Variants in HECTD3 observed in about 807,000 individuals in gnomAD.
HECTD3 encodes the protein HECT domain E3 ubiquitin protein ligase 3, also known as E3 ubiquitin-protein ligase HECTD3.
Under a neutral mutation model 109.3 loss-of-function variants are expected in HECTD3, and 72 were observed. That is an observed-to-expected ratio of 0.66 (90% confidence interval 0.54 to 0.80). HECTD3 has a LOEUF of 0.80. Among genes scored for constraint, HECTD3 ranks in the 30% least tolerant of loss-of-function variants. The probability of loss-of-function intolerance (pLI) is 0.00; values close to 1 mark genes in which losing one functional copy is unlikely to be tolerated. For synonymous variants in HECTD3, 481 were observed against 471.8 expected (o/e 1.02, Z -0.25); for missense variants, 1,041 against 1,165.2 (o/e 0.89, Z 1.55).
In HECTD3 at chr1:45,008,701, T is replaced by C; in HGVS notation, c.1073A>G (p.Asp358Gly). Residue 358 changes from aspartate (D) to glycine (G), a missense_variant and splice_region_variant, in exon 8 of 21, where the codon GAT (aspartate) becomes GGT (glycine). By Grantham distance (94) the Asp-to-Gly change is moderately conservative. Transcript: ENST00000372172. ...TCGGAGACGAACATCAATCCCATCA[T>C]CTGGGGGAAGGGGTCAGAGTAAGGT... The part of the protein sequence containing the change: ...IIEIRIVECR[D>G]DGIDVRLRGV... 1 of 1,612,936 alleles carries C rather than the reference T, an allele frequency of 6.2e-7. No individual in the cohort carries two copies. Among genetic ancestry groups the C allele is most frequent in the Non-Finnish European group, 8.5e-7 (1 of 1,179,692 alleles).
At position 45,006,167 on chromosome 1, in the gene HECTD3, C is replaced by A; in HGVS notation, c.1726-51G>T. 6.3e-7 allele frequency: 1 copy of A among 1,589,918 alleles called. No individual in the cohort carries two copies. The highest frequency in any genetic ancestry group is 1.1e-5 in the South Asian group (1 of 89,310). ...GTGGCATGAGATACACCCTATTTTC[C>A]TGGCCCAAAGACTTCCCTGAACATT... On this transcript the variant is annotated intron_variant, in intron 13 of 20. Transcript: ENST00000372172. This position sits in a 1 kb window ranked among gnomAD's most constrained non-coding sequence, Gnocchi z 4.7.
rs763164031 is a variant in HECTD3 at position 45,011,011 on chromosome 1, C to T, written c.247G>A (p.Gly83Ser). The stretch of plus-strand genomic sequence containing the variant: ...GCGCGGAGGGGCCCGGAGCCGGTAC[C>T]GGGGGCTGGGCCTGCGGCGCCCACA... ...LRVGAAGPAP[G>S]TGSGPLRAAR... The change falls in exon 1 of 21, where the codon GGT (glycine) becomes AGT (serine). Residue 83 changes from glycine (G) to serine (S), a missense_variant. By Grantham distance (56) the Gly-to-Ser change is moderately conservative (BLOSUM62 0). Transcript: ENST00000372172. The T allele has an allele frequency of 6.9e-5, 99 of 1,441,976 alleles. No individual in the cohort carries two copies. The Admixed American group carries it at 8.1e-4, about 12-fold the overall frequency. 89.3% of individuals were successfully genotyped at this position (1,441,976 alleles called of 1,614,324 possible).
At position 45,006,310 on chromosome 1, in the gene HECTD3, T is replaced by A. The variant is rs1569938284; in HGVS notation, c.1726-194A>T. ...AGTCCCTCCTCTGCCCTATTTCTATTTTTTTTTTTTTTTGAGACAGAGTCT... is the reference window on the plus strand; with the variant it reads ...AGTCCCTCCTCTGCCCTATTTCTATATTTTTTTTTTTTTGAGACAGAGTCT... On this transcript the variant is annotated intron_variant, in intron 13 of 20. Coordinates refer to ENST00000372172, the MANE Select transcript of HECTD3 (RefSeq NM_024602.6). The surrounding 1 kb of genome is among the most constrained non-coding windows in gnomAD (Gnocchi z 4.7). 14 of 449,498 alleles carry A rather than the reference T, an allele frequency of 3.1e-5. No individual in the cohort carries two copies. In the East Asian group the frequency reaches 5.9e-4, roughly 19 times the overall value. The allele number at this position is 449,498 out of a possible 1,614,324, so 27.8% of individuals were successfully genotyped here.
At chr1:45,010,847 C>T (rs896028704) in intron 1 of HECTD3, 42 bp downstream of exon 1, 1 of 1,507,172 alleles carries the variant, frequency 6.6e-7, no homozygotes, top group Non-Finnish European at 8.8e-7. Flanking sequence ...TTTCTCTGGC[C>T]CCAGGGGTCT....
chr1:45,005,565 C>T, intron 15 of HECTD3: 1 of 414,512 alleles, frequency 2.4e-6, no homozygotes, highest in Non-Finnish European at 4.3e-6. Context: ...CATCTTGGGG[C>T]AAACGTCGAG....
rs1557726301 is a variant in HECTD3 at position 45,003,624 on chromosome 1, G to A, written c.2501+45C>T. ...AGGTCCCTACATCGCTACCAGGGGT[G>A]ATGGGGTCCCCTGGGCCCCAAATCG... is the stretch of plus-strand genomic sequence containing the variant. On this transcript the variant is annotated intron_variant, in intron 20 of 20. Transcript: ENST00000372172. The surrounding 1 kb of genome is among the most constrained non-coding windows in gnomAD (Gnocchi z 4.7). 2 of 1,610,442 alleles carry A rather than the reference G, an allele frequency of 1.2e-6. No individual in the cohort carries two copies. The highest frequency in any genetic ancestry group is 1.7e-6 in the Non-Finnish European group (2 of 1,176,688).
chr1:45,004,526 C>G (rs1266358769), intron 16 of HECTD3, 74 bp downstream of exon 16: 5 of 1,597,530 alleles, frequency 3.1e-6, no homozygotes, highest in Non-Finnish European at 4.3e-6. Flanking sequence ...GGCTTACAGG[C>G]TGTGTTCTGG....
At position 45,003,564 on chromosome 1, in the gene HECTD3, G is replaced by A. The variant is rs574531615; in HGVS notation, c.2514C>T (p.Cys838=). The change falls in exon 21 of 21, where the codon TGC becomes TGT. Residue 838 remains cysteine, a synonymous_variant. Transcript: ENST00000372172. This position sits in a 1 kb window ranked among gnomAD's most constrained non-coding sequence, Gnocchi z 4.7. ...FLPHYASAKV[C]EEKLRYAAYN... is the part of the protein sequence containing the mutation. ...AGGCCGCATAGCGGAGCTTCTCCTC[G>A]CATACCTTGGCACTGTGGGAATGGG... 3.0e-5 allele frequency: 48 copies of A among 1,614,168 alleles called. No homozygotes were observed. Among genetic ancestry groups the A allele is most frequent in the East Asian group, 1.8e-4 (8 of 44,862 alleles).
chr1:45,005,123 G>A (rs1644722904), intron 15 of HECTD3: 1 of 444,772 alleles, frequency 2.2e-6, no homozygotes, highest in African/African-American at 2.0e-5. Flanking sequence ...GAAACTGTGT[G>A]GCTGGAGCCT....
intron 1 of HECTD3, 59 bp from the exon 2 acceptor site, chr1:45,010,765 C>A: frequency 2.0e-6 from 3 of 1,521,538 alleles, no homozygotes; most frequent in Admixed American, 4.1e-5. Flanking sequence ...GCCTGTCGTG[C>A]CCAGCCCAGG....
Position 45,010,939 on chromosome 1 carries a change from T to C in HECTD3, c.319A>G (p.Thr107Ala), listed in dbSNP as rs1644785762. ...TGGCCATTGCACAGCTCCTCGCCCG[T>C]GGTGCGCACGCAGGCGCCGCGCCGG... Reference protein sequence around the residue: ...ELRRGACVRTTGEELCNGHGL... With the variant: ...ELRRGACVRTAGEELCNGHGL... The change falls in exon 1 of 21, where the codon ACG becomes GCG. Residue 107 changes from threonine (T) to alanine (A), a missense_variant. Thr to Ala is a moderately conservative substitution (Grantham distance 58). Coordinates refer to ENST00000372172, the MANE Select transcript of HECTD3 (RefSeq NM_024602.6). 2 of 1,540,122 alleles carry C rather than the reference T, an allele frequency of 1.3e-6. No homozygotes were observed. The highest frequency in any genetic ancestry group is 1.7e-6 in the Non-Finnish European group (2 of 1,156,374).
chr1:45,010,999 C>T lies in HECTD3; in HGVS notation c.259G>A (p.Gly87Arg), dbSNP rs781675937. 6 of 1,464,642 alleles carry T rather than the reference C, an allele frequency of 4.1e-6. No homozygotes were observed. The Admixed American group carries it at 8.3e-5, about 20-fold the overall frequency. 90.7% of individuals were successfully genotyped at this position (1,464,642 alleles called of 1,614,324 possible). The change falls in exon 1 of 21, where the codon GGG becomes AGG. Residue 87 changes from glycine to arginine, a missense_variant. Around this residue, in one of 2 missense-constraint regions of HECTD3, gnomAD observed 472 missense variants for 449.9 expected, o/e 1.05. Transcript: ENST00000372172. ...CTGTCGCGGGCGGCGCGGAGGGGCCCGGAGCCGGTACCGGGGGCTGGGCCT... is the reference window on the plus strand; with the variant it reads ...CTGTCGCGGGCGGCGCGGAGGGGCCTGGAGCCGGTACCGGGGGCTGGGCCT... ...AAGPAPGTGSGPLRAARDSIE... is the reference protein window; with the variant it reads ...AAGPAPGTGSRPLRAARDSIE...
chr1:45,010,173 C>A lies in HECTD3; in HGVS notation c.623+28G>T, dbSNP rs367815747. ...ACTGGGCCCAGACGCAGAGCTCCTT[C>A]CTCCCCACCCCATTCCAGCTCACTC... On this transcript the variant is annotated intron_variant, in intron 3 of 20. Transcript: ENST00000372172. 4 of 1,613,874 alleles carry A rather than the reference C, an allele frequency of 2.5e-6. No individual in the cohort carries two copies. In the African/African-American group the frequency reaches 5.3e-5, roughly 22 times the overall value.
Position 45,011,321 on chromosome 1 carries a change from G to A in HECTD3, c.-64C>T. The A allele has an allele frequency of 3.0e-6, 4 of 1,348,146 alleles. No homozygotes were observed. The highest frequency in any genetic ancestry group is 3.8e-6 in the Non-Finnish European group (4 of 1,054,628). The allele number at this position is 1,348,146 out of a possible 1,614,324, so 83.5% of individuals were successfully genotyped here. A position where few individuals can be genotyped will look rare whatever the true frequency, so the allele number is the denominator to read the frequency against. ...CCCGGGGAACAGCTGGCGCGACCGCGGACAGAGCTTCCCACCACGCCCTTC... is the reference window on the plus strand; with the variant it reads ...CCCGGGGAACAGCTGGCGCGACCGCAGACAGAGCTTCCCACCACGCCCTTC... On this transcript the variant is annotated 5_prime_UTR_variant, in exon 1 of 21. Transcript: ENST00000372172.
Position 45,010,298 on chromosome 1 carries a change from G to A in HECTD3, c.531-5C>T, listed in dbSNP as rs1386871708. On this transcript the variant is annotated splice_region_variant and splice_polypyrimidine_tract_variant and intron_variant, in intron 2 of 20. Coordinates refer to ENST00000372172, the MANE Select transcript of HECTD3 (RefSeq NM_024602.6). ...AGGTCCACCACCTGTTCCCACCTGT[G>A]GGCACAGAGTAGGGAGTGGGATGGG... The A allele has an allele frequency of 6.8e-6, 11 of 1,613,518 alleles. No homozygotes were observed. The highest frequency in any genetic ancestry group is 9.3e-6 in the Non-Finnish European group (11 of 1,179,732).
intron 7 of HECTD3, 22 bp from the exon 8 acceptor site, chr1:45,008,723 A>C: frequency 6.2e-7 from 1 of 1,607,496 alleles, no homozygotes. Context: ...GGTCAGAGTA[A>C]GGTCATTTAC....
chr1:45,008,678 G>C lies in HECTD3; in HGVS notation c.1096C>G (p.Arg366Gly). 1.9e-6 allele frequency: 3 copies of C among 1,613,566 alleles called. No individual in the cohort carries two copies. Among genetic ancestry groups the C allele is most frequent in the Non-Finnish European group, 2.5e-6 (3 of 1,179,876 alleles). ...CTAGATGACTTGATCTTGACCCCTCGGAGACGAACATCAATCCCATCATCT... is the reference window on the plus strand; with the variant it reads ...CTAGATGACTTGATCTTGACCCCTCCGAGACGAACATCAATCCCATCATCT... Reference protein sequence around the residue: ...CRDDGIDVRLRGVKIKSSRQR... With the variant: ...CRDDGIDVRLGGVKIKSSRQR... The change falls in exon 8 of 21, where the codon CGA (arginine) becomes GGA (glycine). Residue 366 changes from arginine (R) to glycine (G), a missense_variant. Arg to Gly is a moderately radical substitution (Grantham distance 125). Transcript: ENST00000372172.
At chr1:45,010,456 T>A in intron 2 of HECTD3, 90 bp downstream of exon 2, 1 of 1,553,942 alleles carries the variant, frequency 6.4e-7, no homozygotes, top group South Asian at 1.1e-5. Context: ...CGCTCCAGTA[T>A]CCCACCCACC....
intron 15 of HECTD3, 180 bp downstream of exon 15, chr1:45,005,614 T>A: frequency 1.9e-6 from 1 of 514,964 alleles, no homozygotes; most frequent in Non-Finnish European, 3.4e-6. Flanking sequence ...TAGGAGAGGC[T>A]GGGGCTAGAG....
Sources: allele counts gnomAD v4.1 joint callset, GRCh38; gene constraint gnomAD v4.1.1; regional missense constraint gnomAD v4.1.1; non-coding constraint Gnocchi (gnomAD v3.1); transcripts MANE v1.5; gene names NCBI Gene and HGNC (gene_info 2026-07-23, HGNC 2026-07-21).